The following ASAP1 variants were observed in gnomAD, a reference collection of about 807,000 sequenced individuals.
ASAP1 encodes arf-GAP with SH3 domain, ANK repeat and PH domain-containing protein 1.
In ASAP1, 43 loss-of-function variants were observed where a neutral mutation model predicts 145.2. The observed-to-expected ratio is 0.30, with a 90% CI of 0.23 to 0.38. The LOEUF is 0.38. ASAP1 is among the 10% of genes least tolerant of loss of function. The pLI, the probability that ASAP1 is intolerant of heterozygous loss-of-function variation, is 1.00. For missense variants in ASAP1, 1,018 were observed against 1,355.3 expected (o/e 0.75, Z 3.91); for synonymous variants, 546 against 515.5 (o/e 1.06, Z -0.80).
At chr8:130,286,856 A>G (rs930636726) in intron 3 of ASAP1, among the ~76,000 whole-genome samples, 7 of 152,186 alleles carry the variant, frequency 4.6e-5, no homozygotes, top group Non-Finnish European at 1.0e-4. Context: ...AAAAGTTCAC[A>G]CCCACAGGGA....
intron 9 of ASAP1, among the ~76,000 whole-genome samples, chr8:130,171,962 A>G (rs968685362): frequency 6.6e-6 from 1 of 152,352 alleles, no homozygotes; most frequent in East Asian, 1.9e-4. Flanking sequence ...TTGAAGGTAG[A>G]GCATTTAAAT....
chr8:130,235,937 T>C (rs1818187984), intron 4 of ASAP1, among the ~76,000 whole-genome samples: 1 of 152,080 alleles, frequency 6.6e-6, no homozygotes, highest in African/African-American at 2.4e-5. Flanking sequence ...GGCAGACCCT[T>C]TACAGATATG....
chr8:130,361,781 A>G, intron 2 of ASAP1: 1 of 1,519,620 alleles, frequency 6.6e-7, no homozygotes, highest in Non-Finnish European at 8.8e-7. Context: ...TCTGAAAGCA[A>G]ATAGAGACTG....
chr8:130,242,727 T>C (rs972415690), intron 3 of ASAP1, among the ~76,000 whole-genome samples: 4 of 152,178 alleles, frequency 2.6e-5, no homozygotes, highest in Non-Finnish European at 4.4e-5. Context: ...AAGCTCTTTC[T>C]ATGCATTCAT....
At position 130,089,167 on chromosome 8, in the gene ASAP1, G is replaced by A. The variant is rs187064586; in HGVS notation, c.2572+2806C>T. Among the ~76,000 whole-genome samples the A allele has an allele frequency of 1.2e-4, 19 of 152,278 alleles. No individual in the cohort carries two copies. The East Asian group carries it at 1.9e-3, about 15-fold the overall frequency. ...TACTGGACTGCAAAAGGCCTTTTAA[G>A]TAGATCCCAGGACAGCAGATCTTGA... On this transcript the variant is annotated intron_variant, in intron 25 of 29. Coordinates refer to ENST00000518721, the MANE Select transcript of ASAP1 (RefSeq NM_018482.4).
In ASAP1 at chr8:130,275,465, CAGCGCCTGCACACAAA is replaced by C. The variant is rs373163421; in HGVS notation, c.187-38487_187-38472del. Among the ~76,000 whole-genome samples, 148 of 152,316 alleles carry C rather than the reference CAGCGCCTGCACACAAA, an allele frequency of 9.7e-4. 2 individuals are homozygous for C. The highest frequency in any genetic ancestry group is 3.3e-3 in the African/African-American group (139 of 41,570). ...CAATTACCAGTCCCCTGAGGCGTCC[CAGCGCCTGCACACAAA>C]AGCTCTCCTCCTGGCTAGCCTAGGA... On this transcript the variant is annotated intron_variant, in intron 3 of 29. Coordinates refer to ENST00000518721, the MANE Select transcript of ASAP1 (RefSeq NM_018482.4).
chr8:130,107,514 AAATGTATGTATGTATGTATGT>A lies in ASAP1; in HGVS notation c.2401+4559_2401+4579del, dbSNP rs1272790653. Among the ~76,000 whole-genome samples the A allele has an allele frequency of 1.0e-4, 11 of 105,340 alleles. 1 individual carries two copies. Among genetic ancestry groups the A allele is most frequent in the African/African-American group, 4.4e-4 (11 of 25,160 alleles). The allele number at this position is 105,340 out of a possible 152,430, so 69.1% of individuals were successfully genotyped here. A position where few individuals can be genotyped will look rare whatever the true frequency, so the allele number is the denominator to read the frequency against. On this transcript the variant is annotated intron_variant, in intron 24 of 29. Transcript: ENST00000518721. ...GTCTCTCTTTTTTTTTTTTTTTAAAAAATGTATGTATGTATGTATGTATGTATGTATGTATGTATGTATGTA... is the reference window on the plus strand; with the variant it reads ...GTCTCTCTTTTTTTTTTTTTTTAAAAATGTATGTATGTATGTATGTATGTA...
chr8:130,203,631 C>A (rs1429105506), intron 5 of ASAP1, among the ~76,000 whole-genome samples: 1 of 151,922 alleles, frequency 6.6e-6, no homozygotes, highest in Non-Finnish European at 1.5e-5. Flanking sequence ...AAAGGTTATG[C>A]CTGGGATGGA....
At chr8:130,260,222 G>A (rs969146309) in intron 3 of ASAP1, among the ~76,000 whole-genome samples, 1 of 152,164 alleles carries the variant, frequency 6.6e-6, no homozygotes, top group Middle Eastern at 3.2e-3. Context: ...AAACCTGAGA[G>A]AGTATTCACA....
At chr8:130,370,127 C>G (rs1336328953) in intron 2 of ASAP1, among the ~76,000 whole-genome samples, 1 of 152,122 alleles carries the variant, frequency 6.6e-6, no homozygotes, top group Non-Finnish European at 1.5e-5. Context: ...ATGGCAAAAC[C>G]CCGTCTCTAC....
intron 3 of ASAP1, among the ~76,000 whole-genome samples, chr8:130,243,411 A>G (rs1205860953): frequency 6.6e-6 from 1 of 152,168 alleles, no homozygotes; most frequent in Non-Finnish European, 1.5e-5. Context: ...GTAAGGATTC[A>G]CTGACATGAA....
chr8:130,412,432 C>T (rs535855077), intron 1 of ASAP1, among the ~76,000 whole-genome samples: 25 of 151,928 alleles, frequency 1.6e-4, no homozygotes, highest in Middle Eastern at 3.4e-3. Flanking sequence ...GGCCATGTGA[C>T]GTGCCTGTTC....
intron 3 of ASAP1, among the ~76,000 whole-genome samples, chr8:130,261,218 G>A (rs986441553): frequency 2.6e-5 from 4 of 152,104 alleles, no homozygotes; most frequent in Non-Finnish European, 5.9e-5. Context: ...TGTGTGTATG[G>A]CGATGTATGT....
intron 3 of ASAP1, among the ~76,000 whole-genome samples, chr8:130,297,050 T>A (rs1822324598): frequency 6.6e-6 from 1 of 152,170 alleles, no homozygotes; most frequent in African/African-American, 2.4e-5. Context: ...GGGCAACTGA[T>A]GGTAGACAGC....
intron 5 of ASAP1, among the ~76,000 whole-genome samples, chr8:130,200,210 T>C (rs1238689792): frequency 6.6e-6 from 1 of 152,190 alleles, no homozygotes; most frequent in Non-Finnish European, 1.5e-5. Flanking sequence ...GATTTCAAAC[T>C]ATTACATTTT....
At chr8:130,368,134 G>T (rs996378452) in intron 2 of ASAP1, among the ~76,000 whole-genome samples, 9 of 152,010 alleles carry the variant, frequency 5.9e-5, no homozygotes, top group African/African-American at 1.5e-4. Context: ...ATATTTTCTG[G>T]TTTTTTGTTT....
chr8:130,406,103 G>T (rs1370646374), intron 1 of ASAP1, among the ~76,000 whole-genome samples: 3 of 152,246 alleles, frequency 2.0e-5, no homozygotes, highest in African/African-American at 7.2e-5. Context: ...TGTTGTTGTT[G>T]TTGTTAAGGG....
intron 27 of ASAP1, among the ~76,000 whole-genome samples, chr8:130,070,411 G>A (rs1307782783): frequency 6.6e-6 from 1 of 152,124 alleles, no homozygotes; most frequent in Non-Finnish European, 1.5e-5. Context: ...CCCCTACCTG[G>A]TACTATAAAA....
chr8:130,216,083 GAAGA>G (rs951117076), intron 4 of ASAP1, among the ~76,000 whole-genome samples: 10 of 151,882 alleles, frequency 6.6e-5, no homozygotes, highest in African/African-American at 2.2e-4. Context: ...AAGGGAAAAG[GAAGA>G]AAGAAACTAT....
Sources: allele counts gnomAD v4.1 joint callset (sites outside exome capture counted in the v4.1 genomes callset), GRCh38; gene constraint gnomAD v4.1.1; transcripts MANE v1.5; gene names NCBI Gene and HGNC (gene_info 2026-07-23, HGNC 2026-07-21).